OGFOD3: variants seen among roughly 807,000 people sequenced by gnomAD.
The protein encoded by OGFOD3 is 2-oxoglutarate and iron-dependent oxygenase domain-containing protein 3.
In OGFOD3, 35 loss-of-function variants were observed where a neutral mutation model predicts 39.8. The ratio of observed to expected loss-of-function variants is 0.88; its 90% CI spans 0.67 to 1.17. The LOEUF is 1.17. Among genes scored for constraint, OGFOD3 ranks in the 50% most tolerant of loss-of-function variants. OGFOD3 has a pLI of 0.00. For missense variants in OGFOD3, 438 were observed against 454.5 expected (o/e 0.96, Z 0.33); for synonymous variants, 200 against 192.0 (o/e 1.04, Z -0.34).
At chr17:82,417,001 C>A (rs2053062641) in intron 1 of OGFOD3, among the ~76,000 whole-genome samples, 1 of 152,170 alleles carries the variant, frequency 6.6e-6, no homozygotes, top group Non-Finnish European at 1.5e-5. Context: ...CTATATTAAC[C>A]ATTCAGTGCT....
chr17:82,392,720 A>G lies in OGFOD3; in HGVS notation c.824-186T>C. Reference sequence around the variant, plus strand: ...AGGAGCTGGAGAAACAAACGCAGCAATGCTCAGGGGCCCTGTGGCGGAGGA... The same window carrying G: ...AGGAGCTGGAGAAACAAACGCAGCAGTGCTCAGGGGCCCTGTGGCGGAGGA... On this transcript the variant is annotated intron_variant, in intron 8 of 8. Coordinates refer to ENST00000313056, the MANE Select transcript of OGFOD3 (RefSeq NM_024648.3). The surrounding 1 kb of genome is among the most constrained non-coding windows in gnomAD (Gnocchi z 4.2). 1 of 717,194 alleles carries G rather than the reference A, an allele frequency of 1.4e-6. No individual in the cohort carries two copies. The allele number at this position is 717,194 out of a possible 1,614,324, so 44.4% of individuals were successfully genotyped here.
rs2052819341 is a variant in OGFOD3 at position 82,404,377 on chromosome 17, C to T, written c.546-287G>A. On this transcript the variant is annotated intron_variant, in intron 6 of 8. Coordinates refer to ENST00000313056, the MANE Select transcript of OGFOD3 (RefSeq NM_024648.3). The surrounding 1 kb of genome is among the most constrained non-coding windows in gnomAD (Gnocchi z 4.5). ...CTGGGGAGGCTGGTGTGGAGTCAGG[C>T]CCCAGATGCCAGAGCCTCCAGGCTT... Among the ~76,000 whole-genome samples the T allele has an allele frequency of 1.3e-5, 2 of 152,186 alleles. No homozygotes were observed. Among genetic ancestry groups the T allele is most frequent in the Non-Finnish European group, 1.5e-5 (1 of 68,030 alleles).
Position 82,392,684 on chromosome 17 carries a change from C to T in OGFOD3, c.824-150G>A, listed in dbSNP as rs2052613664. On this transcript the variant is annotated intron_variant, in intron 8 of 8. Transcript: ENST00000313056. This position sits in a 1 kb window ranked among gnomAD's most constrained non-coding sequence, Gnocchi z 4.2. ...GAAATTGCCCCTCTGGGAACTGCTT[C>T]TGCAGGAAGGAGGAGCTGGAGAAAC... 1.1e-6 allele frequency: 1 copy of T among 925,986 alleles called. No homozygotes were observed. The highest frequency in any genetic ancestry group is 1.8e-5 in the South Asian group (1 of 56,120). The allele number at this position is 925,986 out of a possible 1,614,324, so 57.4% of individuals were successfully genotyped here.
rs1255955204 is a variant in OGFOD3 at position 82,418,557 on chromosome 17, G to T, written c.-72C>A. On this transcript the variant is annotated 5_prime_UTR_variant, in exon 1 of 9. Coordinates refer to ENST00000313056, the MANE Select transcript of OGFOD3 (RefSeq NM_024648.3). ...GGGGACGAACGCCGTAACAGGGAGC[G>T]CGAGGCAGGCACGGCGCAGGGACGC... is the stretch of plus-strand genomic sequence containing the variant. 1.2e-6 allele frequency: 1 copy of T among 837,882 alleles called. No homozygotes were observed. The highest frequency in any genetic ancestry group is 1.6e-6 in the Non-Finnish European group (1 of 619,550). 51.9% of individuals were successfully genotyped at this position (837,882 alleles called of 1,614,324 possible).
intron 1 of OGFOD3, chr17:82,418,190 A>T (rs1320563911): frequency 2.5e-6 from 1 of 392,644 alleles, no homozygotes; most frequent in Non-Finnish European, 4.6e-6. Flanking sequence ...CCTCTGGGAT[A>T]GGTGGGCCTC....
chr17:82,418,323 G>A, intron 1 of OGFOD3, 89 bp downstream of exon 1: 1 of 257,388 alleles, frequency 3.9e-6, no homozygotes, highest in Non-Finnish European at 6.5e-6. Context: ...CCCGGGTCGG[G>A]CCAGGCCCCG....
Position 82,415,168 on chromosome 17 carries a change from C to T in OGFOD3, c.304+230G>A, listed in dbSNP as rs2053012057. Among the ~76,000 whole-genome samples, 1 of 152,226 alleles carries T rather than the reference C, an allele frequency of 6.6e-6. No individual in the cohort carries two copies. Among genetic ancestry groups the T allele is most frequent in the Admixed American group, 6.5e-5 (1 of 15,282 alleles). On this transcript the variant is annotated intron_variant, in intron 2 of 8. Transcript: ENST00000313056. The surrounding 1 kb of genome is among the most constrained non-coding windows in gnomAD (Gnocchi z 5.3). ...ATCTTTCCAAGGCAAACCATCTCCT[C>T]CGCTGGACCGCACAGCTTACTAAAA... is the stretch of plus-strand genomic sequence containing the variant.
chr17:82,415,955 G>A lies in OGFOD3; in HGVS notation c.75-328C>T, dbSNP rs1289279902. Among the ~76,000 whole-genome samples, 5 of 151,898 alleles carry A rather than the reference G, an allele frequency of 3.3e-5. No individual in the cohort carries two copies. Among genetic ancestry groups the A allele is most frequent in the African/African-American group, 9.7e-5 (4 of 41,338 alleles). The stretch of plus-strand genomic sequence containing the variant: ...TTATAAAAGCCACTTCAGGCCCGGC[G>A]CAGTGGCTTATGCCTGTAATCCCAG... On this transcript the variant is annotated intron_variant, in intron 1 of 8. Transcript: ENST00000313056. The surrounding 1 kb of genome is among the most constrained non-coding windows in gnomAD (Gnocchi z 5.3).
rs1190211750 is a variant in OGFOD3, at chr17:82,418,495, C to G, written c.-10G>C. 3 of 1,390,352 alleles carry G rather than the reference C, an allele frequency of 2.2e-6. No individual in the cohort carries two copies. The highest frequency in any genetic ancestry group is 2.8e-6 in the Non-Finnish European group (3 of 1,074,046). The allele number at this position is 1,390,352 out of a possible 1,614,324, so 86.1% of individuals were successfully genotyped here. ...TCCGCTGAGGAGCCATCGGACCAGG[C>G]CGCCGCGGAGCCGGGCCGGACGCGG... is the stretch of plus-strand genomic sequence containing the variant. On this transcript the variant is annotated 5_prime_UTR_variant, in exon 1 of 9. Coordinates refer to ENST00000313056, the MANE Select transcript of OGFOD3 (RefSeq NM_024648.3).
Position 82,406,349 on chromosome 17 carries a change from T to C in OGFOD3, c.488+69A>G. On this transcript the variant is annotated intron_variant, in intron 5 of 8. Coordinates refer to ENST00000313056, the MANE Select transcript of OGFOD3 (RefSeq NM_024648.3). This position sits in a 1 kb window ranked among gnomAD's most constrained non-coding sequence, Gnocchi z 5.2. ...ACATGTCCACGTGTCCACATGTCCA[T>C]GGCTAAGAGGCACGGAGCCGCTCAC... 2 of 1,421,306 alleles carry C rather than the reference T, an allele frequency of 1.4e-6. No homozygotes were observed. Among genetic ancestry groups the C allele is most frequent in the Middle Eastern group, 1.8e-4 (1 of 5,700 alleles). The allele number at this position is 1,421,306 out of a possible 1,614,324, so 88.0% of individuals were successfully genotyped here.
chr17:82,405,423 A>C (rs1394699550), intron 5 of OGFOD3, 43 bp from the exon 6 acceptor site: 4 of 1,500,046 alleles, frequency 2.7e-6, no homozygotes, highest in Non-Finnish European at 2.8e-6. Flanking sequence ...ACACTTCATT[A>C]ATCTGTTGTT....
In OGFOD3 at chr17:82,415,682, C is replaced by T. The variant is rs1012175354; in HGVS notation, c.75-55G>A. ...AAACACGGAGTGAGGCCAGAGAAAACGCTCCCCGATCATCAAAGTGCATGC... is the reference window on the plus strand; with the variant it reads ...AAACACGGAGTGAGGCCAGAGAAAATGCTCCCCGATCATCAAAGTGCATGC... On this transcript the variant is annotated intron_variant, in intron 1 of 8. Transcript: ENST00000313056. This position sits in a 1 kb window ranked among gnomAD's most constrained non-coding sequence, Gnocchi z 5.3. The T allele has an allele frequency of 4.8e-6, 7 of 1,464,780 alleles. No homozygotes were observed. Among genetic ancestry groups the T allele is most frequent in the East Asian group, 2.4e-5 (1 of 40,964 alleles). 90.7% of individuals were successfully genotyped at this position (1,464,780 alleles called of 1,614,324 possible). A position where few individuals can be genotyped will look rare whatever the true frequency, so the allele number is the denominator to read the frequency against.
intron 7 of OGFOD3, among the ~76,000 whole-genome samples, chr17:82,400,177 G>T (rs983274574): frequency 6.6e-6 from 1 of 152,160 alleles, no homozygotes; most frequent in Non-Finnish European, 1.5e-5. Flanking sequence ...AGTCTCAGGT[G>T]GTGCCCTGGG....
At position 82,392,547 on chromosome 17, in the gene OGFOD3, AAGAG is replaced by A. The variant is rs773071215; in HGVS notation, c.824-17_824-14del. ...AAGGAGACGCGACCTGGGAGAGGAG[AAGAG>A]AGAGAGGTGGCCATAGAGCCACACC... On this transcript the variant is annotated splice_polypyrimidine_tract_variant and intron_variant, in intron 8 of 8. Transcript: ENST00000313056. The surrounding 1 kb of genome is among the most constrained non-coding windows in gnomAD (Gnocchi z 4.2). The A allele has an allele frequency of 3.8e-6, 6 of 1,575,658 alleles. No homozygotes were observed. In the African/African-American group the frequency reaches 5.4e-5, roughly 14 times the overall value.
chr17:82,393,001 C>G (rs867553800), intron 8 of OGFOD3: 1 of 156,126 alleles, frequency 6.4e-6, no homozygotes, highest in African/African-American at 2.4e-5. Context: ...ACATCCAACT[C>G]GCAAACACCT....
chr17:82,396,006 TACAC>T (rs766444742), intron 8 of OGFOD3, among the ~76,000 whole-genome samples: 1 of 151,544 alleles, frequency 6.6e-6, no homozygotes, highest in Non-Finnish European at 1.5e-5. Context: ...AACACATAGA[TACAC>T]ACAATTAGAT....
intron 3 of OGFOD3, among the ~76,000 whole-genome samples, chr17:82,409,677 A>G (rs2052913588): frequency 2.0e-5 from 3 of 152,326 alleles, no homozygotes; most frequent in Middle Eastern, 6.8e-3. Flanking sequence ...CGGGTGGATC[A>G]CGAGGTCAGG....
At position 82,392,850 on chromosome 17, in the gene OGFOD3, C is replaced by T. The variant is rs144056453; in HGVS notation, c.824-316G>A. The stretch of plus-strand genomic sequence containing the variant: ...AGACACCCCAGGTCATCTGATCTCC[C>T]GAGCTCCGGGCATTTGATCTCCTCA... On this transcript the variant is annotated intron_variant, in intron 8 of 8. Coordinates refer to ENST00000313056, the MANE Select transcript of OGFOD3 (RefSeq NM_024648.3). This position sits in a 1 kb window ranked among gnomAD's most constrained non-coding sequence, Gnocchi z 4.2. The T allele has an allele frequency of 5.9e-4, 200 of 339,654 alleles. 2 individuals are homozygous for T. In the East Asian group the frequency reaches 0.011, roughly 18 times the overall value. 21.0% of individuals were successfully genotyped at this position (339,654 alleles called of 1,614,324 possible).
At chr17:82,416,758 C>A (rs1401215994) in intron 1 of OGFOD3, among the ~76,000 whole-genome samples, 1 of 152,056 alleles carries the variant, frequency 6.6e-6, no homozygotes, top group East Asian at 1.9e-4. Context: ...GCAACCTCTG[C>A]CTCCTGGGCT....
Sources: allele counts gnomAD v4.1 joint callset (sites outside exome capture counted in the v4.1 genomes callset), GRCh38; gene constraint gnomAD v4.1.1; non-coding constraint Gnocchi (gnomAD v3.1); transcripts MANE v1.5; gene names NCBI Gene and HGNC (gene_info 2026-07-23, HGNC 2026-07-21).